The following CLPB variants were observed in gnomAD, a reference collection of about 807,000 sequenced individuals.
CLPB encodes ClpB family mitochondrial disaggregase, also known as mitochondrial disaggregase.
A neutral mutation model predicts 78.4 loss-of-function variants in CLPB; 40 were observed. That is an observed-to-expected ratio of 0.51 (90% CI 0.40 to 0.66). The LOEUF is 0.66. CLPB is among the 30% of genes least tolerant of loss of function. The pLI is 0.00. For synonymous variants in CLPB, 333 were observed against 348.0 expected, an observed-to-expected ratio of 0.96 and a Z score of 0.48; for missense variants, 780 against 886.9, an observed-to-expected ratio of 0.88 and a Z score of 1.53.
At chr11:72,327,653 T>C (rs887134085) in intron 6 of CLPB, among the ~76,000 whole-genome samples, 10 of 152,158 alleles carry the variant, frequency 6.6e-5, no homozygotes, top group African/African-American at 2.4e-4. Context: ...ACAGGTACTC[T>C]TGGCCAAGTC....
intron 11 of CLPB, among the ~76,000 whole-genome samples, chr11:72,299,269 T>C (rs1269174933): frequency 6.6e-6 from 1 of 152,258 alleles, no homozygotes; most frequent in Non-Finnish European, 1.5e-5. Flanking sequence ...TCCTTGTTAA[T>C]GACCCTCTCC....
chr11:72,362,004 G>A (rs1342452706), intron 4 of CLPB, among the ~76,000 whole-genome samples: 1 of 152,186 alleles, frequency 6.6e-6, no homozygotes, highest in Non-Finnish European at 1.5e-5. Flanking sequence ...GGAGAGTGCT[G>A]GTGTCATAGC....
chr11:72,422,265 CAAAAAAA>C (rs71469431), intron 2 of CLPB, among the ~76,000 whole-genome samples: 4 of 24,976 alleles, frequency 1.6e-4, no homozygotes, highest in Non-Finnish European at 3.7e-4. Context: ...GACTCCGTCT[CAAAAAAA>C]AAAAAAAAAA....
At chr11:72,298,422 T>A (rs1484376824) in intron 11 of CLPB, among the ~76,000 whole-genome samples, 2 of 152,212 alleles carry the variant, frequency 1.3e-5, no homozygotes, top group African/African-American at 4.8e-5. Flanking sequence ...AGGCCAGGGC[T>A]GCATCTGTTT....
intron 9 of CLPB, chr11:72,304,328 T>C (rs1230964883): frequency 1.3e-5 from 2 of 152,220 alleles, no homozygotes; most frequent in Non-Finnish European, 2.9e-5. Context: ...CTGGCACCAT[T>C]ATGGAGCCTA....
chr11:72,433,536 C>A (rs1008742382), intron 1 of CLPB, among the ~76,000 whole-genome samples: 2 of 143,910 alleles, frequency 1.4e-5, no homozygotes, highest in African/African-American at 2.7e-5. Context: ...AAGACTCCAT[C>A]TCAGAAATAA....
At chr11:72,433,590 A>AATAT (rs1197662228) in intron 1 of CLPB, among the ~76,000 whole-genome samples, 1 of 143,788 alleles carries the variant, frequency 7.0e-6, no homozygotes, top group African/African-American at 2.7e-5. Flanking sequence ...TAAATAAATA[A>AATAT]ATTGAGGTCA....
At chr11:72,387,327 A>G (rs1590880383) in intron 3 of CLPB, among the ~76,000 whole-genome samples, 1 of 152,328 alleles carries the variant, frequency 6.6e-6, no homozygotes, top group South Asian at 2.1e-4. Context: ...TGGTTGTGTT[A>G]ATACACATAA....
rs2508861 is a variant in CLPB at position 72,286,478 on chromosome 11, C to G, written c.*6889G>C. On this transcript the variant is annotated 3_prime_UTR_variant, in exon 16 of 16. Transcript: ENST00000538039. The stretch of plus-strand genomic sequence containing the variant: ...CCTCAGATTTCCCAAATGTTAACAT[C>G]TTTTTTTTGTTTGTTTTTGAGACAG... 13,191 of 151,342 alleles carry G rather than the reference C, an allele frequency of 0.087. 1,030 individuals carry two copies. Among genetic ancestry groups the G allele is most frequent in the African/African-American group, 0.2 (8,206 of 41,232 alleles). 9.4% of individuals were successfully genotyped at this position (151,342 alleles called of 1,614,324 possible).
intron 5 of CLPB, among the ~76,000 whole-genome samples, chr11:72,344,642 C>G (rs1339903752): frequency 6.6e-6 from 1 of 152,132 alleles, no homozygotes; most frequent in East Asian, 1.9e-4. Context: ...CTTTCTCTCT[C>G]TAGGCATTCT....
rs1463789442 is a variant in CLPB, at chr11:72,408,492, CCT to C, written c.456-5442_456-5441del. On this transcript the variant is annotated intron_variant, in intron 2 of 15. Coordinates refer to ENST00000538039, the MANE Select transcript of CLPB (RefSeq NM_001258392.3). ...ACCATCCTGGCTGACACGGTGAAAC[CCT>C]GTCTCTACTAAAAATACAAAAAATT... Among the ~76,000 whole-genome samples, 8 of 151,818 alleles carry C rather than the reference CCT, an allele frequency of 5.3e-5. No homozygotes were observed. In the East Asian group the frequency reaches 1.5e-3, roughly 29 times the overall value.
chr11:72,390,901 G>A (rs77651734), intron 3 of CLPB, among the ~76,000 whole-genome samples: 1,675 of 152,286 alleles, frequency 0.011, 29 homozygotes, highest in African/African-American at 0.038. Flanking sequence ...GGGGAGTTGC[G>A]GGCCATCAAG....
chr11:72,300,819 C>T (rs1275434962), intron 11 of CLPB, among the ~76,000 whole-genome samples: 1 of 152,196 alleles, frequency 6.6e-6, no homozygotes, highest in Non-Finnish European at 1.5e-5. Context: ...AGAGAGGCCT[C>T]ATCCCCGGTT....
At chr11:72,396,967 T>C (rs1429086087) in intron 3 of CLPB, among the ~76,000 whole-genome samples, 1 of 152,234 alleles carries the variant, frequency 6.6e-6, no homozygotes, top group Non-Finnish European at 1.5e-5. Context: ...TTTTAAGATA[T>C]ATAATTTAAT....
At chr11:72,315,574 G>T in intron 7 of CLPB, among the ~76,000 whole-genome samples, 1 of 152,200 alleles carries the variant, frequency 6.6e-6, no homozygotes, top group East Asian at 1.9e-4. Flanking sequence ...TGCAGCTGGG[G>T]ATCACACTGA....
intron 5 of CLPB, among the ~76,000 whole-genome samples, chr11:72,357,692 G>A (rs907663375): frequency 3.3e-5 from 4 of 123,052 alleles, no homozygotes; most frequent in Non-Finnish European, 3.2e-5. Flanking sequence ...GCAAAACTCC[G>A]TGTCCCAGAA....
At chr11:72,362,713 G>T (rs1370200537) in intron 4 of CLPB, among the ~76,000 whole-genome samples, 1 of 152,186 alleles carries the variant, frequency 6.6e-6, no homozygotes, top group African/African-American at 2.4e-5. Flanking sequence ...ATGAATAAAG[G>T]GGCTGGGTAC....
In CLPB at chr11:72,402,892, G is replaced by T. The variant is rs1855603440; in HGVS notation, c.542+74C>A. 4 of 1,244,566 alleles carry T rather than the reference G, an allele frequency of 3.2e-6. No individual in the cohort carries two copies. In the South Asian group the frequency reaches 5.1e-5, roughly 16 times the overall value. 77.1% of individuals were successfully genotyped at this position (1,244,566 alleles called of 1,614,324 possible). On this transcript the variant is annotated intron_variant, in intron 3 of 15. Coordinates refer to ENST00000538039, the MANE Select transcript of CLPB (RefSeq NM_001258392.3). ...GAAAAGACAGCAGGGAGGCACACCA[G>T]GTGGGAGAGTGCTCAGGAGCACAGT...
chr11:72,413,213 C>G (rs1855928176), intron 2 of CLPB, among the ~76,000 whole-genome samples: 1 of 152,058 alleles, frequency 6.6e-6, no homozygotes, highest in Admixed American at 6.5e-5. Context: ...CGCTTGAACC[C>G]TGGAGGCGGA....
Sources: allele counts gnomAD v4.1 joint callset (sites outside exome capture counted in the v4.1 genomes callset), GRCh38; gene constraint gnomAD v4.1.1; transcripts MANE v1.5; gene names NCBI Gene and HGNC (gene_info 2026-07-23, HGNC 2026-07-21).